The following NPFFR2 variants were observed in gnomAD, a reference collection of about 807,000 sequenced individuals.
NPFFR2 encodes the protein neuropeptide FF receptor 2.
A neutral mutation model predicts 13.1 loss-of-function variants in NPFFR2; 15 were observed. That is an observed-to-expected ratio of 1.15 (90% confidence interval 0.77 to 1.76). The LOEUF is 1.76. NPFFR2 is among the 40% of genes most tolerant of loss of function. NPFFR2 has a pLI of 0.00. For synonymous variants in NPFFR2, 190 were observed against 175.7 expected (o/e 1.08, Z -0.65); for missense variants, 572 against 503.5 (o/e 1.14, Z -1.30).
intron 1 of NPFFR2, among the ~76,000 whole-genome samples, chr4:72,051,757 TAAAG>T (rs1719590825): frequency 6.6e-6 from 1 of 151,054 alleles, no homozygotes; most frequent in Admixed American, 6.6e-5. Flanking sequence ...GCAAGACTAA[TAAAG>T]AAAAAAAGAG....
chr4:72,094,357 G>A (rs1356747033), intron 1 of NPFFR2, among the ~76,000 whole-genome samples: 1 of 152,226 alleles, frequency 6.6e-6, no homozygotes, highest in Non-Finnish European at 1.5e-5. Flanking sequence ...AGCTGCAGTA[G>A]TATAGGGAGG....
intron 1 of NPFFR2, among the ~76,000 whole-genome samples, chr4:72,042,701 TG>T (rs1719256474): frequency 6.6e-6 from 1 of 152,138 alleles, no homozygotes; most frequent in South Asian, 2.1e-4. Flanking sequence ...TAGAGATCTG[TG>T]GAACACTCAA....
At chr4:72,085,027 G>C (rs142029608) in intron 1 of NPFFR2, among the ~76,000 whole-genome samples, 64 of 148,622 alleles carry the variant, frequency 4.3e-4, no homozygotes, top group Middle Eastern at 3.5e-3. Flanking sequence ...TTCTTTATTC[G>C]AGAACTATTA....
intron 1 of NPFFR2, among the ~76,000 whole-genome samples, chr4:72,105,854 T>G (rs1353799606): frequency 6.6e-6 from 1 of 152,076 alleles, no homozygotes; most frequent in African/African-American, 2.4e-5. Context: ...TACTCTTGCG[T>G]TTGGGGTTTA....
At chr4:72,130,372 C>A (rs918621152) in intron 2 of NPFFR2, among the ~76,000 whole-genome samples, 2 of 152,204 alleles carry the variant, frequency 1.3e-5, no homozygotes, top group Non-Finnish European at 2.9e-5. Context: ...AGATTTCCAA[C>A]AGTTTTTGAG....
Position 72,147,696 on chromosome 4 carries a change from T to C in NPFFR2, c.1147T>C (p.Ser383Pro). ...CACATCTAATCAGCTTGTCCAGGAA[T>C]CTACATTTCAAAACCCTCATGGGGA... Reference protein sequence around the residue: ...INTSNQLVQESTFQNPHGETL... With the variant: ...INTSNQLVQEPTFQNPHGETL... Residue 383 changes from serine to proline, a missense_variant, in exon 4 of 4, where the codon TCT becomes CCT. Transcript: ENST00000308744. The C allele has an allele frequency of 1.2e-6, 2 of 1,614,010 alleles. No individual in the cohort carries two copies. The highest frequency in any genetic ancestry group is 1.7e-6 in the Non-Finnish European group (2 of 1,179,996).
At chr4:72,064,151 C>T (rs58417292) in intron 1 of NPFFR2, among the ~76,000 whole-genome samples, 4,496 of 152,268 alleles carry the variant, frequency 0.03, 211 homozygotes, top group African/African-American at 0.1. Flanking sequence ...TTATTTATTT[C>T]TGCAAATGAA....
chr4:72,118,352 A>G (rs1017108159), intron 1 of NPFFR2, among the ~76,000 whole-genome samples: 4 of 152,224 alleles, frequency 2.6e-5, no homozygotes. Flanking sequence ...ATAAATTTTA[A>G]CTACAATTAT....
chr4:72,130,635 C>T (rs1285931275), intron 2 of NPFFR2, among the ~76,000 whole-genome samples: 1 of 152,146 alleles, frequency 6.6e-6, no homozygotes, highest in East Asian at 1.9e-4. Flanking sequence ...ACTCCACCTG[C>T]AACTCTCAAG....
rs76735132 is a variant in NPFFR2 at position 72,111,516 on chromosome 4, G to A, written c.-7-17069G>A. Among the ~76,000 whole-genome samples, 2,058 of 152,058 alleles carry A rather than the reference G, an allele frequency of 0.014. 98 individuals are homozygous for A. The East Asian group carries it at 0.16, about 12-fold the overall frequency. On this transcript the variant is annotated intron_variant, in intron 1 of 3. Coordinates refer to ENST00000308744, the MANE Select transcript of NPFFR2 (RefSeq NM_004885.3). ...ATCTACAGTTAACCTTCAGGGACTG[G>A]CCAGACAGCTCTGTTAATGGGGAAG... is the stretch of plus-strand genomic sequence containing the variant.
chr4:72,061,565 C>T (rs148693939), intron 1 of NPFFR2, among the ~76,000 whole-genome samples: 6 of 152,222 alleles, frequency 3.9e-5, no homozygotes, highest in Admixed American at 3.9e-4. Context: ...AATCTCCCTA[C>T]CTCAAAGATT....
chr4:72,037,831 A>G, intron 1 of NPFFR2, among the ~76,000 whole-genome samples: 1 of 152,170 alleles, frequency 6.6e-6, no homozygotes. Flanking sequence ...TTTCTGTGAT[A>G]TATGCTTCTT....
chr4:72,127,355 C>CTTTTTTTTTTTTTTTTTTTTTTTTT (rs1341571145), intron 1 of NPFFR2, among the ~76,000 whole-genome samples: 2 of 91,202 alleles, frequency 2.2e-5, no homozygotes, highest in African/African-American at 9.2e-5. Flanking sequence ...TAAATAATTT[C>CTTTTTTTTTTTTTTTTTTTTTTTTT]TTTTCTTTTT....
chr4:72,121,495 C>G (rs1278454671), intron 1 of NPFFR2, among the ~76,000 whole-genome samples: 1 of 151,982 alleles, frequency 6.6e-6, no homozygotes, highest in African/African-American at 2.4e-5. Flanking sequence ...TAAGGGCAAC[C>G]AGAGAGAAAG....
At position 72,142,052 on chromosome 4, in the gene NPFFR2, G is replaced by A. The variant is rs550044502; in HGVS notation, c.428+3913G>A. 4.7e-4 allele frequency among the ~76,000 whole-genome samples: 72 copies of A among 152,138 alleles called. 1 individual carries two copies. Among genetic ancestry groups the A allele is most frequent in the Admixed American group, 6.5e-5 (1 of 15,280 alleles). On this transcript the variant is annotated intron_variant, in intron 3 of 3. Transcript: ENST00000308744. ...CTCTTTTGATCTTTGTCAGTTTAAC[G>A]TCTGTTTTATCAGAGACTAGGGTTG...
Position 72,119,579 on chromosome 4 carries a change from C to A in NPFFR2, c.-7-9006C>A, listed in dbSNP as rs569783335. 1.1e-3 allele frequency among the ~76,000 whole-genome samples: 174 copies of A among 152,018 alleles called. 1 individual carries two copies. The highest frequency in any genetic ancestry group is 2.2e-3 in the Non-Finnish European group (147 of 68,008). ...TTTCTGGATTTCCAACTGAGGTACC[C>A]AGTTCATCTCATTGGGACTGGTTAG... On this transcript the variant is annotated intron_variant, in intron 1 of 3. Transcript: ENST00000308744.
At chr4:72,078,836 A>T (rs1254066087) in intron 1 of NPFFR2, among the ~76,000 whole-genome samples, 2 of 152,126 alleles carry the variant, frequency 1.3e-5, no homozygotes, top group African/African-American at 4.8e-5. Flanking sequence ...CCAATCCCAA[A>T]TTTTCCATAA....
intron 1 of NPFFR2, among the ~76,000 whole-genome samples, chr4:72,062,157 G>A (rs1240547459): frequency 6.6e-6 from 1 of 151,798 alleles, no homozygotes; most frequent in East Asian, 1.9e-4. Flanking sequence ...TATGTTTGAG[G>A]CTAAATATAC....
chr4:72,064,337 C>T (rs1720006968), intron 1 of NPFFR2, among the ~76,000 whole-genome samples: 1 of 152,174 alleles, frequency 6.6e-6, no homozygotes, highest in Non-Finnish European at 1.5e-5. Context: ...TCCATGCTCA[C>T]TGGTCATCAG....
Sources: gnomAD v4.1 joint callset for allele counts (sites outside exome capture counted in the v4.1 genomes callset) on GRCh38, gnomAD v4.1.1 for gene constraint, MANE v1.5 for transcripts, NCBI Gene and HGNC (gene_info 2026-07-23, HGNC 2026-07-21) for gene names.